Variants in NWD2 observed in about 807,000 individuals in gnomAD.
The protein encoded by NWD2 is NACHT and WD repeat domain-containing protein 2.
A neutral mutation model predicts 132.7 loss-of-function variants in NWD2; 37 were observed. The ratio of observed to expected loss-of-function variants is 0.28; its 90% CI spans 0.21 to 0.37. The LOEUF (loss-of-function observed/expected upper bound fraction) is 0.37, where lower values mean the gene tolerates loss of function less well. Among genes scored for constraint, NWD2 ranks in the 10% least tolerant of loss-of-function variants. The probability of loss-of-function intolerance (pLI) is 1.00; values close to 1 mark genes in which losing one functional copy is unlikely to be tolerated. For synonymous variants in NWD2, 705 were observed against 803.0 expected, an observed-to-expected ratio of 0.88 and a Z score of 2.06; for missense variants, 1,592 against 2,122.4, an observed-to-expected ratio of 0.75 and a Z score of 4.91.
intron 3 of NWD2, among the ~76,000 whole-genome samples, chr4:37,359,745 T>C (rs1269877564): frequency 1.3e-5 from 2 of 152,226 alleles, no homozygotes; most frequent in Admixed American, 6.5e-5. Context: ...TTCAGTATAG[T>C]TCGTGCTTGG....
At chr4:37,263,629 A>G (rs73240344) in intron 1 of NWD2, among the ~76,000 whole-genome samples, 24,738 of 152,042 alleles carry the variant, frequency 0.16, 2,533 homozygotes, top group South Asian at 0.32. Context: ...CTGGCACATA[A>G]CAGATAGATT....
chr4:37,368,377 A>G (rs1720142262), intron 3 of NWD2, among the ~76,000 whole-genome samples: 1 of 152,124 alleles, frequency 6.6e-6, no homozygotes, highest in Admixed American at 6.6e-5. Flanking sequence ...AGGAATGTGT[A>G]TTTTCCATTG....
At chr4:37,303,937 T>G (rs985282724) in intron 1 of NWD2, among the ~76,000 whole-genome samples, 2 of 152,230 alleles carry the variant, frequency 1.3e-5, no homozygotes, top group African/African-American at 4.8e-5. Context: ...TTTTTTATCT[T>G]GTCTAATGCC....
chr4:37,275,293 A>G (rs1329081248), intron 1 of NWD2, among the ~76,000 whole-genome samples: 1 of 151,144 alleles, frequency 6.6e-6, no homozygotes, highest in Non-Finnish European at 1.5e-5. Flanking sequence ...ATAACAGACA[A>G]ACAGCCAAAT....
At position 37,407,046 on chromosome 4, in the gene NWD2, G is replaced by A. The variant is rs1392736853; in HGVS notation, c.358-23526G>A. Among the ~76,000 whole-genome samples, 3 of 151,836 alleles carry A rather than the reference G, an allele frequency of 2.0e-5. No individual in the cohort carries two copies. The East Asian group carries it at 5.8e-4, about 29-fold the overall frequency. ...TGGAGTTGAACAATGAGAACACATG[G>A]ACACAGGGAGGGGCCTGTCAGCAGG... On this transcript the variant is annotated intron_variant, in intron 3 of 6. Transcript: ENST00000309447.
intron 3 of NWD2, among the ~76,000 whole-genome samples, chr4:37,375,615 C>A (rs1577683423): frequency 6.7e-6 from 1 of 148,282 alleles, no homozygotes; most frequent in Non-Finnish European, 1.5e-5. Context: ...GTCACCCAGG[C>A]TGGAGTGCAG....
At chr4:37,272,221 T>C (rs1376158033) in intron 1 of NWD2, among the ~76,000 whole-genome samples, 2 of 151,744 alleles carry the variant, frequency 1.3e-5, no homozygotes, top group African/African-American at 2.4e-5. Context: ...ATTTTAAGGA[T>C]CTTTTTGTTT....
chr4:37,434,896 G>C (rs1353732743), intron 5 of NWD2, among the ~76,000 whole-genome samples: 3 of 152,008 alleles, frequency 2.0e-5, no homozygotes, highest in East Asian at 3.9e-4. Context: ...AGCCATCAGA[G>C]GGTGTGGCAC....
intron 2 of NWD2, among the ~76,000 whole-genome samples, chr4:37,343,075 A>G (rs1719562086): frequency 6.6e-6 from 1 of 152,234 alleles, no homozygotes; most frequent in African/African-American, 2.4e-5. Flanking sequence ...AGATATTTGC[A>G]TCTGGGGCAA....
intron 1 of NWD2, among the ~76,000 whole-genome samples, chr4:37,254,024 C>T (rs1456477274): frequency 6.6e-6 from 1 of 152,046 alleles, no homozygotes; most frequent in Non-Finnish European, 1.5e-5. Context: ...ACATAGAGGG[C>T]AACAACACAC....
At chr4:37,437,029 C>T (rs2109328392) in intron 5 of NWD2, among the ~76,000 whole-genome samples, 1 of 152,238 alleles carries the variant, frequency 6.6e-6, no homozygotes, top group African/African-American at 2.4e-5. Context: ...GCTCTCATTA[C>T]TGAAAAAATA....
intron 3 of NWD2, among the ~76,000 whole-genome samples, chr4:37,387,330 G>A (rs914346731): frequency 6.6e-6 from 1 of 151,978 alleles, no homozygotes; most frequent in Admixed American, 6.6e-5. Flanking sequence ...TGCATGCAAT[G>A]TCTTTGAAAT....
intron 1 of NWD2, among the ~76,000 whole-genome samples, chr4:37,246,136 A>G (rs1391555557): frequency 6.6e-6 from 1 of 152,152 alleles, no homozygotes; most frequent in East Asian, 1.9e-4. Flanking sequence ...TCCATGGGAG[A>G]CTGACAGAGG....
intron 1 of NWD2, among the ~76,000 whole-genome samples, chr4:37,270,589 C>T (rs1275101042): frequency 6.6e-6 from 1 of 151,620 alleles, no homozygotes; most frequent in Non-Finnish European, 1.5e-5. Flanking sequence ...ACGTTAGGAA[C>T]AATCATGACT....
chr4:37,312,032 C>T (rs1194170820), intron 1 of NWD2, among the ~76,000 whole-genome samples: 1 of 151,876 alleles, frequency 6.6e-6, no homozygotes. Context: ...GTTACTGTAG[C>T]CTTGTAGTAT....
chr4:37,329,324 T>C (rs1719240690), intron 2 of NWD2, among the ~76,000 whole-genome samples: 1 of 152,172 alleles, frequency 6.6e-6, no homozygotes, highest in Non-Finnish European at 1.5e-5. Context: ...ACAGTGTAGA[T>C]TCCAGGGATA....
intron 2 of NWD2, among the ~76,000 whole-genome samples, chr4:37,342,519 G>A (rs962367122): frequency 6.6e-6 from 1 of 152,186 alleles, no homozygotes; most frequent in African/African-American, 2.4e-5. Flanking sequence ...GCCACTGAAG[G>A]AAGCTGGTCC....
intron 3 of NWD2, among the ~76,000 whole-genome samples, chr4:37,394,815 T>TTGTTTTGTTTTG (rs1386288269): frequency 7.9e-6 from 1 of 126,656 alleles, no homozygotes; most frequent in Admixed American, 8.0e-5. Flanking sequence ...TTTTTTTTTT[T>TTGTTTTGTTTTG]TTTTTTTTTT....
intron 5 of NWD2, among the ~76,000 whole-genome samples, chr4:37,437,696 T>C (rs1036724619): frequency 3.3e-5 from 5 of 152,192 alleles, no homozygotes; most frequent in African/African-American, 1.2e-4. Flanking sequence ...TCCATTAGCT[T>C]ATTTTACATA....
Sources: allele counts gnomAD v4.1 joint callset (sites outside exome capture counted in the v4.1 genomes callset), GRCh38; gene constraint gnomAD v4.1.1; transcripts MANE v1.5; gene names NCBI Gene and HGNC (gene_info 2026-07-23, HGNC 2026-07-21).